CCDC3: variants seen among roughly 807,000 people sequenced by gnomAD.
CCDC3 encodes the protein coiled-coil domain containing 3, also known as coiled-coil domain-containing protein 3.
A neutral mutation model predicts 21.4 loss-of-function variants in CCDC3; 24 were observed. That is an observed-to-expected ratio of 1.12 (90% CI 0.81 to 1.58). The LOEUF is 1.58. Among genes scored for constraint, CCDC3 ranks in the 40% most tolerant of loss-of-function variants. CCDC3 has a pLI of 0.00. For synonymous variants in CCDC3, 186 were observed against 166.0 expected, an observed-to-expected ratio of 1.12 and a Z score of -0.93; for missense variants, 425 against 360.9, an observed-to-expected ratio of 1.18 and a Z score of -1.44.
chr10:12,992,385 T>A (rs929050544), intron 2 of CCDC3, among the ~76,000 whole-genome samples: 1 of 151,702 alleles, frequency 6.6e-6, no homozygotes, highest in Admixed American at 6.6e-5. Flanking sequence ...CAAGACTCCA[T>A]CTCAAAAGAA....
intron 2 of CCDC3, among the ~76,000 whole-genome samples, chr10:12,928,296 G>T (rs776588403): frequency 2.6e-5 from 4 of 152,050 alleles, no homozygotes; most frequent in Non-Finnish European, 4.4e-5. Context: ...GGGAAGAAAA[G>T]GTTCAAAAAG....
chr10:13,059,283 G>A (rs778079447), intron 4 of CCDC3, among the ~76,000 whole-genome samples: 54 of 152,128 alleles, frequency 3.5e-4, no homozygotes, highest in Non-Finnish European at 6.2e-4. Flanking sequence ...ACAACTTTGC[G>A]GAGCGGACCT....
At chr10:13,055,220 A>G (rs1258491516) in intron 4 of CCDC3, among the ~76,000 whole-genome samples, 1 of 152,192 alleles carries the variant, frequency 6.6e-6, no homozygotes, top group African/African-American at 2.4e-5. Flanking sequence ...GGATTTCAAG[A>G]GAGTGGAAGC....
At chr10:13,077,348 C>G (rs1374089634) in intron 3 of CCDC3, among the ~76,000 whole-genome samples, 2 of 151,996 alleles carry the variant, frequency 1.3e-5, no homozygotes, top group South Asian at 2.1e-4. Context: ...CACTGCTGAA[C>G]GAAATAAAAG....
chr10:12,971,238 C>T (rs2131264694), intron 2 of CCDC3, among the ~76,000 whole-genome samples: 2 of 152,268 alleles, frequency 1.3e-5, no homozygotes, highest in South Asian at 4.1e-4. Flanking sequence ...CCATCGTGGG[C>T]AGCTGAACCA....
upstream of CCDC3, among the ~76,000 whole-genome samples, chr10:13,002,457 G>T (rs1835871570): frequency 1.3e-5 from 2 of 152,034 alleles, no homozygotes; most frequent in Non-Finnish European, 2.9e-5. Flanking sequence ...GCTCCATCAG[G>T]GCTCACTGCA....
At chr10:13,055,498 TA>T (rs3029972) in intron 4 of CCDC3, among the ~76,000 whole-genome samples, 5 of 149,380 alleles carry the variant, frequency 3.3e-5, no homozygotes, top group East Asian at 2.0e-4. Context: ...CCTGGTTAAT[TA>T]AAAAAAAAAT....
At chr10:12,946,320 G>C (rs1007420559) in intron 2 of CCDC3, among the ~76,000 whole-genome samples, 37 of 152,188 alleles carry the variant, frequency 2.4e-4, no homozygotes, top group African/African-American at 8.2e-4. Context: ...TGACCAAAAA[G>C]GGGAAATTGT....
At chr10:13,099,144 C>T (rs3829923) in exon 2 of CCDC3, 41,888 of 152,096 alleles carry the variant, frequency 0.28, 7,266 homozygotes, top group Non-Finnish European at 0.37. Context: ...CTCGAGGGCC[C>T]GGAATTGGGT....
In CCDC3 at chr10:12,897,441, AAAG is replaced by A. The variant is rs1416555759; in HGVS notation, c.*972_*974del. 8.5e-5 allele frequency: 13 copies of A among 152,368 alleles called. No individual in the cohort carries two copies. The highest frequency in any genetic ancestry group is 2.6e-4 in the African/African-American group (11 of 41,574). 9.4% of individuals were successfully genotyped at this position (152,368 alleles called of 1,614,324 possible). On this transcript the variant is annotated 3_prime_UTR_variant, in exon 3 of 3. Transcript: ENST00000378825. Reference sequence around the variant, plus strand: ...TGTTGTGGGGGAAAAGTGTTTGCATAAAGAAGAAGAGATTGGAATGGCTGGAAT... The same window carrying A: ...TGTTGTGGGGGAAAAGTGTTTGCATAAAGAAGAGATTGGAATGGCTGGAAT...
chr10:13,039,857 G>A (rs573471471), intron 5 of CCDC3, among the ~76,000 whole-genome samples: 24 of 151,352 alleles, frequency 1.6e-4, no homozygotes, highest in African/African-American at 3.9e-4. Context: ...TGTGACAGAC[G>A]TACTGGTGAC....
chr10:12,985,812 ACAGTT>A (rs1173742768), intron 2 of CCDC3, among the ~76,000 whole-genome samples: 1 of 152,190 alleles, frequency 6.6e-6, no homozygotes, highest in Non-Finnish European at 1.5e-5. Context: ...TGGTGATGGG[ACAGTT>A]CTGTATCTTA....
At chr10:12,994,122 G>C (rs1835720470) in intron 2 of CCDC3, among the ~76,000 whole-genome samples, 1 of 152,160 alleles carries the variant, frequency 6.6e-6, no homozygotes, top group South Asian at 2.1e-4. Context: ...TAGAGGTGGG[G>C]CATGGTGGCT....
chr10:13,042,263 G>A (rs1836466857), intron 5 of CCDC3, among the ~76,000 whole-genome samples: 1 of 152,336 alleles, frequency 6.6e-6, no homozygotes. Context: ...CTGCAAATCT[G>A]CAAATCATTG....
At chr10:12,937,096 G>A (rs1052908452) in intron 2 of CCDC3, among the ~76,000 whole-genome samples, 16 of 132,702 alleles carry the variant, frequency 1.2e-4, no homozygotes, top group Non-Finnish European at 2.7e-4. Context: ...CCAATGGCTG[G>A]GTCCCTGTGG....
intron 2 of CCDC3, among the ~76,000 whole-genome samples, chr10:12,937,763 G>GTT (rs1292966848): frequency 6.6e-6 from 1 of 152,196 alleles, no homozygotes; most frequent in African/African-American, 2.4e-5. Context: ...CTGATGTCTT[G>GTT]TGGAAAACAT....
chr10:12,936,523 G>A (rs897388474), intron 2 of CCDC3, among the ~76,000 whole-genome samples: 33 of 151,942 alleles, frequency 2.2e-4, no homozygotes, highest in Non-Finnish European at 2.8e-4. Context: ...CACTGTGCCC[G>A]GCCACTTTCA....
intron 5 of CCDC3, among the ~76,000 whole-genome samples, chr10:13,016,344 A>AC (rs1327954171): frequency 6.6e-6 from 1 of 151,846 alleles, no homozygotes; most frequent in Non-Finnish European, 1.5e-5. Flanking sequence ...GAAAAAAAAA[A>AC]AAAAAAAACA....
intron 2 of CCDC3, among the ~76,000 whole-genome samples, chr10:12,911,574 A>C (rs986726105): frequency 3.3e-5 from 5 of 152,226 alleles, no homozygotes; most frequent in African/African-American, 1.2e-4. Flanking sequence ...AAATTGACAA[A>C]ATTTATATTG....
Sources: gnomAD v4.1 joint callset for allele counts (sites outside exome capture counted in the v4.1 genomes callset) on GRCh38, gnomAD v4.1.1 for gene constraint, MANE v1.5 for transcripts, NCBI Gene and HGNC (gene_info 2026-07-23, HGNC 2026-07-21) for gene names.